Variants in PYGM observed in about 807,000 individuals in gnomAD.
The protein encoded by PYGM is glycogen phosphorylase, muscle form.
Under a neutral mutation model 99.3 loss-of-function variants are expected in PYGM, and 81 were observed. That is an observed-to-expected ratio of 0.82 (90% confidence interval 0.68 to 0.98). The LOEUF is 0.98. Ranked by LOEUF, PYGM falls within the 50% of genes least tolerant of loss-of-function variation. The pLI, the probability that PYGM is intolerant of heterozygous loss-of-function variation, is 0.00. For missense variants in PYGM, 1,030 were observed against 1,158.1 expected, an observed-to-expected ratio of 0.89 and a Z score of 1.61; for synonymous variants, 436 against 451.5, an observed-to-expected ratio of 0.97 and a Z score of 0.44.
rs755140065 is a variant in PYGM, at chr11:64,751,898, G to A, written c.1768+26C>T. ...GCAGGAACACGGGGGAGCACTGAGAGACAGGGTAGAGTGGCTGCCACTCAC... is the reference window on the plus strand; with the variant it reads ...GCAGGAACACGGGGGAGCACTGAGAAACAGGGTAGAGTGGCTGCCACTCAC... On this transcript the variant is annotated intron_variant, in intron 14 of 19. Transcript: ENST00000164139. 8 of 1,614,028 alleles carry A rather than the reference G, an allele frequency of 5.0e-6. No individual in the cohort carries two copies. The South Asian group carries it at 8.8e-5, about 18-fold the overall frequency.
intron 18 of PYGM, 75 bp from the exon 19 acceptor site, chr11:64,747,062 C>T: frequency 6.3e-7 from 1 of 1,582,928 alleles, no homozygotes; most frequent in Admixed American, 1.7e-5. Flanking sequence ...AGGGCCAAGC[C>T]TGCCCTGTCC....
chr11:64,752,290 A>G (rs1592409870), intron 13 of PYGM, 113 bp downstream of exon 13: 2 of 1,408,760 alleles, frequency 1.4e-6, no homozygotes, highest in African/African-American at 1.4e-5. Flanking sequence ...ACTTCCACCA[A>G]CGGCCTGGGC....
In PYGM at chr11:64,757,916, C is replaced by T. The variant is rs375983440; in HGVS notation, c.529-6G>A. On this transcript the variant is annotated splice_polypyrimidine_tract_variant and splice_region_variant and intron_variant, in intron 4 of 19. Transcript: ENST00000164139. Reference sequence around the variant, plus strand: ...CAGTCATCGGCCTCCTCCATCTGCACCCAAGGCAGGTCAGGGAGAAAGGCC... The same window carrying T: ...CAGTCATCGGCCTCCTCCATCTGCATCCAAGGCAGGTCAGGGAGAAAGGCC... 2.5e-6 allele frequency: 4 copies of T among 1,613,878 alleles called. No homozygotes were observed. The highest frequency in any genetic ancestry group is 3.4e-6 in the Non-Finnish European group (4 of 1,179,992).
chr11:64,746,500 G>A lies in PYGM; in HGVS notation c.*159C>T. 1 of 1,066,298 alleles carries A rather than the reference G, an allele frequency of 9.4e-7. No individual in the cohort carries two copies. The highest frequency in any genetic ancestry group is 1.4e-6 in the Non-Finnish European group (1 of 728,044). 66.1% of individuals were successfully genotyped at this position (1,066,298 alleles called of 1,614,324 possible). A position where few individuals can be genotyped will look rare whatever the true frequency, so the allele number is the denominator to read the frequency against. ...GGACGGAAGGGGGCCCGTGTCCTTA[G>A]TCACGCTGGACACTGGGACATTGAG... On this transcript the variant is annotated 3_prime_UTR_variant, in exon 20 of 20. Transcript: ENST00000164139.
In PYGM at chr11:64,746,919, A is replaced by T. The variant is rs190868670; in HGVS notation, c.2379+2T>A. On this transcript the variant is annotated splice_donor_variant, in intron 19 of 19. Transcript: ENST00000164139. LOFTEE classifies it high-confidence loss of function. Reference sequence around the variant, plus strand: ...GCCAACCCCTGGCCCAGGACCCCTCACCTTGTACAAGGCGCTGACTTTCTC... The same window carrying T: ...GCCAACCCCTGGCCCAGGACCCCTCTCCTTGTACAAGGCGCTGACTTTCTC... The T allele has an allele frequency of 1.2e-6, 2 of 1,614,110 alleles. No individual in the cohort carries two copies. The highest frequency in any genetic ancestry group is 2.2e-5 in the South Asian group (2 of 91,088).
intron 1 of PYGM, among the ~76,000 whole-genome samples, chr11:64,759,213 C>T (rs935614215): frequency 1.3e-4 from 20 of 152,196 alleles, no homozygotes; most frequent in Non-Finnish European, 2.1e-4. Context: ...GCCGTCTGCC[C>T]GCCCCTCCCC....
intron 1 of PYGM, among the ~76,000 whole-genome samples, chr11:64,759,160 G>A (rs2058416345): frequency 6.6e-6 from 1 of 152,144 alleles, no homozygotes; most frequent in Non-Finnish European, 1.5e-5. Context: ...AAACTAGGAT[G>A]CTGCCAGTGC....
At chr11:64,758,163 T>C in intron 4 of PYGM, 83 bp downstream of exon 4, 1 of 1,500,384 alleles carries the variant, frequency 6.7e-7, no homozygotes, top group South Asian at 1.1e-5. Flanking sequence ...CGGGGCTGTT[T>C]CGGACCTTGC....
intron 11 of PYGM, 43 bp from the exon 12 acceptor site, chr11:64,753,230 C>A (rs775925673): frequency 6.5e-7 from 1 of 1,531,932 alleles, no homozygotes; most frequent in East Asian, 2.2e-5. Flanking sequence ...CACCCCTGTA[C>A]AATGAAGGCC....
intron 11 of PYGM, 150 bp from the exon 12 acceptor site, chr11:64,753,337 G>T: frequency 8.5e-7 from 1 of 1,171,596 alleles, no homozygotes; most frequent in Non-Finnish European, 1.3e-6. Context: ...TGTAAGAGGA[G>T]GTCATCTCAG....
Position 64,755,483 on chromosome 11 carries a change from A to G in PYGM, c.736T>C (p.Ser246Pro), listed in dbSNP as rs1555135785. 6 of 1,614,172 alleles carry G rather than the reference A, an allele frequency of 3.7e-6. No individual in the cohort carries two copies. Among genetic ancestry groups the G allele is most frequent in the Non-Finnish European group, 5.1e-6 (6 of 1,180,014 alleles). Reference protein sequence around the residue: ...NNVVNTMRLWSAKAPNDFNLK... With the variant: ...NNVVNTMRLWPAKAPNDFNLK... ...TTGAAGTCATTGGGAGCCTTGGCAGACCAGAGGCGCATGGTGTTGACAACA... is the reference window on the plus strand; with the variant it reads ...TTGAAGTCATTGGGAGCCTTGGCAGGCCAGAGGCGCATGGTGTTGACAACA... Residue 246 changes from serine to proline, a missense_variant, in exon 6 of 20, where the codon TCT becomes CCT. By Grantham distance (74) the Ser-to-Pro change is moderately conservative (BLOSUM62 -1). Transcript: ENST00000164139. The surrounding 1 kb of genome is among the most constrained non-coding windows in gnomAD (Gnocchi z 4.1).
intron 17 of PYGM, chr11:64,748,264 T>G (rs1796744021): frequency 6.6e-6 from 1 of 152,310 alleles, no homozygotes; most frequent in African/African-American, 2.4e-5. Context: ...ACCTGCCCCC[T>G]CCAGCACTGT....
intron 11 of PYGM, 101 bp from the exon 12 acceptor site, chr11:64,753,288 G>T: frequency 2.4e-6 from 3 of 1,268,162 alleles, no homozygotes; most frequent in Non-Finnish European, 3.5e-6. Flanking sequence ...GGGGCCTGGG[G>T]CAGGGAATGC....
intron 14 of PYGM, 116 bp from the exon 15 acceptor site, chr11:64,751,771 T>C: frequency 6.6e-7 from 1 of 1,517,268 alleles, no homozygotes; most frequent in Non-Finnish European, 9.1e-7. Context: ...TGCTATGCTC[T>C]CTTAGCCTCA....
At position 64,751,385 on chromosome 11, in the gene PYGM, C is replaced by T. The variant is rs898147117; in HGVS notation, c.1909G>A (p.Val637Met). 24 of 1,614,072 alleles carry T rather than the reference C, an allele frequency of 1.5e-5. No homozygotes were observed. The highest frequency in any genetic ancestry group is 1.9e-5 in the Non-Finnish European group (23 of 1,180,052). ...IGDVVNHDPA[V>M]GDRLRVIFLE... ...AAGATGACACGGAGGCGGTCACCCA[C>T]TGCCGGGTCATGGTTGACCACATCC... Residue 637 changes from valine to methionine, a missense_variant, in exon 16 of 20, where the codon GTG becomes ATG. By Grantham distance (21) the Val-to-Met change is conservative (BLOSUM62 1). Coordinates refer to ENST00000164139, the MANE Select transcript of PYGM (RefSeq NM_005609.4).
Position 64,747,275 on chromosome 11 carries a change from T to C in PYGM, c.2261A>G (p.Lys754Arg), listed in dbSNP as rs1238942550. The C allele has an allele frequency of 1.9e-6, 3 of 1,614,022 alleles. No individual in the cohort carries two copies. Among genetic ancestry groups the C allele is most frequent in the Non-Finnish European group, 2.5e-6 (3 of 1,179,982 alleles). ...AATGTCCTTGAACAGGTCGGGCTGT[T>C]TGGGGGAGAAGAAGCCACTGCTCAG... ...EQLSSGFFSPKQPDLFKDIVN... is the reference protein window; with the variant it reads ...EQLSSGFFSPRQPDLFKDIVN... Residue 754 changes from lysine (K) to arginine (R), a missense_variant, in exon 18 of 20, where the codon AAA becomes AGA. By Grantham distance (26) the Lys-to-Arg change is conservative. Transcript: ENST00000164139.
At chr11:64,752,103 C>G in intron 13 of PYGM, 32 bp from the exon 14 acceptor site, 5 of 1,613,906 alleles carry the variant, frequency 3.1e-6, no homozygotes, top group Non-Finnish European at 4.2e-6. Flanking sequence ...GGCTCACCAA[C>G]AGGCCACAGC....
chr11:64,759,430 T>C (rs2135842021), intron 1 of PYGM, among the ~76,000 whole-genome samples: 1 of 152,044 alleles, frequency 6.6e-6, no homozygotes, highest in African/African-American at 2.4e-5. Flanking sequence ...CTTCTCCGAG[T>C]GGGCACTGAC....
In PYGM at chr11:64,753,690, C is replaced by T; in HGVS notation, c.1240-8G>A. 6.2e-7 allele frequency: 1 copy of T among 1,603,946 alleles called. No homozygotes were observed. Among genetic ancestry groups the T allele is most frequent in the Non-Finnish European group, 8.5e-7 (1 of 1,177,706 alleles). ...GAATGCGGCCGCCACCCGCTGTGCC[C>T]AGAGAGCCCAGAGCTAGAACCAGAC... is the stretch of plus-strand genomic sequence containing the variant. On this transcript the variant is annotated splice_region_variant and splice_polypyrimidine_tract_variant and intron_variant, in intron 10 of 19. Coordinates refer to ENST00000164139, the MANE Select transcript of PYGM (RefSeq NM_005609.4).
Sources: gnomAD v4.1 joint callset for allele counts (sites outside exome capture counted in the v4.1 genomes callset) on GRCh38, gnomAD v4.1.1 for gene constraint, Gnocchi (gnomAD v3.1) non-coding constraint, MANE v1.5 for transcripts, NCBI Gene and HGNC (gene_info 2026-07-23, HGNC 2026-07-21) for gene names.